GIPC2: variants seen among roughly 807,000 people sequenced by gnomAD.
The protein encoded by GIPC2 is PDZ domain-containing protein GIPC2.
GIPC2 carries 30 observed loss-of-function variants against 30.6 expected under a neutral mutation model. The ratio of observed to expected loss-of-function variants is 0.98; its 90% confidence interval spans 0.73 to 1.33. The LOEUF is 1.33. Among genes scored for constraint, GIPC2 ranks in the 40% most tolerant of loss-of-function variants. GIPC2 has a pLI of 0.00. For synonymous variants in GIPC2, 167 were observed against 150.0 expected, an observed-to-expected ratio of 1.11 and a Z score of -0.83; for missense variants, 414 against 390.3, an observed-to-expected ratio of 1.06 and a Z score of -0.51.
intron 1 of GIPC2, among the ~76,000 whole-genome samples, chr1:78,078,697 G>A (rs139899136): frequency 3.8e-4 from 58 of 152,216 alleles, no homozygotes; most frequent in African/African-American, 1.4e-3. Context: ...GTTTGTGTGA[G>A]ATTTCCTTTT....
chr1:78,048,897 G>A (rs1249902637), intron 1 of GIPC2, among the ~76,000 whole-genome samples: 1 of 152,092 alleles, frequency 6.6e-6, no homozygotes, highest in Non-Finnish European at 1.5e-5. Context: ...TTTATAACCC[G>A]GGTATATGGG....
intron 3 of GIPC2, among the ~76,000 whole-genome samples, chr1:78,104,950 C>T (rs1192353402): frequency 2.0e-5 from 3 of 152,228 alleles, no homozygotes; most frequent in Non-Finnish European, 2.9e-5. Context: ...CTGGCCTCTT[C>T]GTATCTAGCT....
chr1:78,122,516 G>A (rs1662700470), intron 4 of GIPC2, among the ~76,000 whole-genome samples: 1 of 152,238 alleles, frequency 6.6e-6, no homozygotes, highest in Non-Finnish European at 1.5e-5. Context: ...GGGGAAGCAA[G>A]GCACGTCTTA....
In GIPC2 at chr1:78,070,406, C is replaced by T. The variant is rs575026395; in HGVS notation, c.241-10269C>T. Among the ~76,000 whole-genome samples, 110 of 152,130 alleles carry T rather than the reference C, an allele frequency of 7.2e-4. 2 individuals are homozygous for T. In the Middle Eastern group the frequency reaches 0.027, roughly 38 times the overall value. The stretch of plus-strand genomic sequence containing the variant: ...GCATGGAAAATTTAACAGCACCTGA[C>T]GGGGGAAATAGCAGTGATTTATGAT... On this transcript the variant is annotated intron_variant, in intron 1 of 5. Transcript: ENST00000370759.
rs1663028103 is a variant in GIPC2 at position 78,137,552 on chromosome 1, A to G, written c.*1809A>G. ...TGATTTATGGAATGTCATTTTCACA[A>G]TGATCTTTCTAGAATTTGTGTGTAA... is the stretch of plus-strand genomic sequence containing the variant. On this transcript the variant is annotated 3_prime_UTR_variant, in exon 6 of 6. Coordinates refer to ENST00000370759, the MANE Select transcript of GIPC2 (RefSeq NM_017655.6). 1 of 152,112 alleles carries G rather than the reference A, an allele frequency of 6.6e-6. No individual in the cohort carries two copies. The allele number at this position is 152,112 out of a possible 1,614,324, so 9.4% of individuals were successfully genotyped here.
chr1:78,082,868 C>A (rs1236300840), intron 2 of GIPC2, among the ~76,000 whole-genome samples: 2 of 152,098 alleles, frequency 1.3e-5, no homozygotes, highest in African/African-American at 4.8e-5. Context: ...ACAAAGAACT[C>A]CCATAAATCA....
At position 78,046,007 on chromosome 1, in the gene GIPC2, G is replaced by GCGGGGCCCGGGGCGCAAAGTC. The variant is rs1337889903; in HGVS notation, c.-85_-65dup. On this transcript the variant is annotated 5_prime_UTR_variant, in exon 1 of 6. Coordinates refer to ENST00000370759, the MANE Select transcript of GIPC2 (RefSeq NM_017655.6). ...GCCATTGGAGGCTGCTTTTACCTGC[G>GCGGGGCCCGGGGCGCAAAGTC]CGGGGCCCGGGGCGCAAAGTCCGAG... 50 of 1,393,682 alleles carry GCGGGGCCCGGGGCGCAAAGTC rather than the reference G, an allele frequency of 3.6e-5. No homozygotes were observed. The highest frequency in any genetic ancestry group is 4.2e-5 in the Non-Finnish European group (45 of 1,076,882). The allele number at this position is 1,393,682 out of a possible 1,614,324, so 86.3% of individuals were successfully genotyped here.
At chr1:78,100,921 C>A (rs61777287) in intron 3 of GIPC2, among the ~76,000 whole-genome samples, 1,597 of 56,644 alleles carry the variant, frequency 0.028, 23 homozygotes, top group South Asian at 0.079. Flanking sequence ...CAGAGTGAGA[C>A]CCTGTCAAAA....
chr1:78,109,968 G>A (rs1468234921), intron 3 of GIPC2, among the ~76,000 whole-genome samples: 4 of 151,586 alleles, frequency 2.6e-5, no homozygotes, highest in Non-Finnish European at 4.4e-5. Flanking sequence ...GTTCTCACTC[G>A]TAGGTGGGAA....
At chr1:78,076,515 G>A (rs1287906895) in intron 1 of GIPC2, among the ~76,000 whole-genome samples, 2 of 152,168 alleles carry the variant, frequency 1.3e-5, no homozygotes, top group Non-Finnish European at 2.9e-5. Context: ...TAAGGTGCAG[G>A]CAATCTAGAT....
At chr1:78,124,260 C>T (rs548514076) in intron 4 of GIPC2, among the ~76,000 whole-genome samples, 35 of 152,014 alleles carry the variant, frequency 2.3e-4, no homozygotes, top group Admixed American at 2.0e-4. Flanking sequence ...GTAATCATTT[C>T]GGGAAGAACA....
intron 4 of GIPC2, among the ~76,000 whole-genome samples, chr1:78,124,620 T>G (rs1662748612): frequency 6.6e-6 from 1 of 152,178 alleles, no homozygotes; most frequent in South Asian, 2.1e-4. Context: ...GGCATCCCTC[T>G]AACATGACTC....
chr1:78,081,492 G>T (rs1307519547), intron 2 of GIPC2, among the ~76,000 whole-genome samples: 1 of 152,120 alleles, frequency 6.6e-6, no homozygotes, highest in African/African-American at 2.4e-5. Context: ...GATGTGGATA[G>T]GTTATATGCA....
In GIPC2 at chr1:78,135,862, G is replaced by T; in HGVS notation, c.*119G>T. The T allele has an allele frequency of 1.3e-6, 1 of 751,924 alleles. No homozygotes were observed. The highest frequency in any genetic ancestry group is 2.1e-6 in the Non-Finnish European group (1 of 469,676). 46.6% of individuals were successfully genotyped at this position (751,924 alleles called of 1,614,324 possible). A position where few individuals can be genotyped will look rare whatever the true frequency, so the allele number is the denominator to read the frequency against. ...AACTCTGGTTTAATTTCATGTGTAT[G>T]GAATATATTCTTTGAAATATAATTT... On this transcript the variant is annotated 3_prime_UTR_variant, in exon 6 of 6. Transcript: ENST00000370759.
rs982628300 is a variant in GIPC2, at chr1:78,137,044, G to A, written c.*1301G>A. On this transcript the variant is annotated 3_prime_UTR_variant, in exon 6 of 6. Coordinates refer to ENST00000370759, the MANE Select transcript of GIPC2 (RefSeq NM_017655.6). ...TTGCTTAGATAACTCTTGTTTTCTG[G>A]TAAAACTTTAGTTGTATTGCCATCC... 13 of 152,086 alleles carry A rather than the reference G, an allele frequency of 8.5e-5. No individual in the cohort carries two copies. Among genetic ancestry groups the A allele is most frequent in the Admixed American group, 2.6e-4 (4 of 15,274 alleles). The allele number at this position is 152,086 out of a possible 1,614,324, so 9.4% of individuals were successfully genotyped here. A position where few individuals can be genotyped will look rare whatever the true frequency, so the allele number is the denominator to read the frequency against.
At chr1:78,131,895 G>C (rs996312721) in intron 5 of GIPC2, among the ~76,000 whole-genome samples, 1 of 152,210 alleles carries the variant, frequency 6.6e-6, no homozygotes, top group African/African-American at 2.4e-5. Flanking sequence ...ATTACATGCA[G>C]TATTTCCAGC....
chr1:78,080,394 A>G (rs1419786718), intron 1 of GIPC2, among the ~76,000 whole-genome samples: 2 of 152,162 alleles, frequency 1.3e-5, no homozygotes, highest in Non-Finnish European at 2.9e-5. Context: ...GGTGATACCA[A>G]TGTCCTTTAT....
intron 3 of GIPC2, among the ~76,000 whole-genome samples, chr1:78,101,218 C>T (rs1044396358): frequency 2.0e-5 from 3 of 152,090 alleles, no homozygotes; most frequent in African/African-American, 7.2e-5. Flanking sequence ...TAGCCTTTAT[C>T]CAAGTACTCA....
chr1:78,102,186 T>C (rs931369693), intron 3 of GIPC2, among the ~76,000 whole-genome samples: 2 of 152,194 alleles, frequency 1.3e-5, no homozygotes, highest in Non-Finnish European at 2.9e-5. Context: ...TAACAGATCA[T>C]TGGGTTATAT....
Sources: gnomAD v4.1 joint callset for allele counts (sites outside exome capture counted in the v4.1 genomes callset) on GRCh38, gnomAD v4.1.1 for gene constraint, MANE v1.5 for transcripts, NCBI Gene and HGNC (gene_info 2026-07-23, HGNC 2026-07-21) for gene names.